The following PTPRK variants were observed in gnomAD, a reference collection of about 807,000 sequenced individuals.
PTPRK encodes receptor-type tyrosine-protein phosphatase kappa.
A neutral mutation model predicts 178.0 loss-of-function variants in PTPRK; 75 were observed. The ratio of observed to expected loss-of-function variants is 0.42; its 90% CI spans 0.35 to 0.51. The LOEUF (loss-of-function observed/expected upper bound fraction) is 0.51. PTPRK is among the 20% of genes least tolerant of loss of function. The probability of loss-of-function intolerance (pLI) is 0.02; values close to 1 mark genes in which losing one functional copy is unlikely to be tolerated. For synonymous variants in PTPRK, 637 were observed against 620.6 expected (o/e 1.03, Z -0.39); for missense variants, 1,441 against 1,797.8 (o/e 0.80, Z 3.59).
chr6:128,104,380 C>G lies in PTPRK; in HGVS notation c.1163-14388G>C, dbSNP rs967178971. Among the ~76,000 whole-genome samples the G allele has an allele frequency of 2.6e-5, 4 of 152,152 alleles. No individual in the cohort carries two copies. In the East Asian group the frequency reaches 7.7e-4, roughly 29 times the overall value. ...TTGCTGGGACTACAGGCACTGGCCA[C>G]TACGCCGGGCTTTTTGTATTTTTAG... On this transcript the variant is annotated intron_variant, in intron 7 of 29. Coordinates refer to ENST00000368226, the MANE Select transcript of PTPRK (RefSeq NM_002844.4).
At position 128,184,369 on chromosome 6, in the gene PTPRK, G is replaced by A. The variant is rs1392347912; in HGVS notation, c.1162+63C>T. The A allele has an allele frequency of 4.7e-6, 7 of 1,481,438 alleles. No individual in the cohort carries two copies. The African/African-American group carries it at 7.0e-5, about 15-fold the overall frequency. 91.8% of individuals were successfully genotyped at this position (1,481,438 alleles called of 1,614,324 possible). A position where few individuals can be genotyped will look rare whatever the true frequency, so the allele number is the denominator to read the frequency against. On this transcript the variant is annotated intron_variant, in intron 7 of 29. Transcript: ENST00000368226. Reference sequence around the variant, plus strand: ...ATAATGAGAACCTTCAACACTGCATGTATTAATGTGTCTTATGCTAGATTC... The same window carrying A: ...ATAATGAGAACCTTCAACACTGCATATATTAATGTGTCTTATGCTAGATTC...
Position 128,441,084 on chromosome 6 carries a change from T to C in PTPRK, c.101-43396A>G, listed in dbSNP as rs554335807. On this transcript the variant is annotated intron_variant, in intron 1 of 29. Coordinates refer to ENST00000368226, the MANE Select transcript of PTPRK (RefSeq NM_002844.4). ...AGAGCCACATCAAATTTCTGAATATTTGACAATCTTAGAGGTGAAAAAAAT... is the reference window on the plus strand; with the variant it reads ...AGAGCCACATCAAATTTCTGAATATCTGACAATCTTAGAGGTGAAAAAAAT... 2.5e-4 allele frequency among the ~76,000 whole-genome samples: 38 copies of C among 152,290 alleles called. 1 individual carries two copies. The South Asian group carries it at 5.2e-3, about 21-fold the overall frequency.
intron 21 of PTPRK, among the ~76,000 whole-genome samples, chr6:127,986,775 C>T (rs1776028515): frequency 6.6e-6 from 1 of 152,156 alleles, no homozygotes; most frequent in Admixed American, 6.5e-5. Flanking sequence ...AAGGTAGACA[C>T]ATTACATGAA....
At chr6:128,438,038 TC>T (rs1398657314) in intron 1 of PTPRK, among the ~76,000 whole-genome samples, 1 of 152,200 alleles carries the variant, frequency 6.6e-6, no homozygotes, top group Non-Finnish European at 1.5e-5. Flanking sequence ...GGGTTTCCCA[TC>T]CCGGGATACT....
chr6:128,067,820 C>A, intron 11 of PTPRK, 28 bp from the exon 12 acceptor site: 1 of 1,532,430 alleles, frequency 6.5e-7, no homozygotes, highest in Non-Finnish European at 8.8e-7. Flanking sequence ...AAAGAACACA[C>A]ATATATATAC....
intron 5 of PTPRK, among the ~76,000 whole-genome samples, chr6:128,232,336 C>T (rs1004046127): frequency 8.5e-5 from 13 of 152,238 alleles, no homozygotes; most frequent in Non-Finnish European, 1.6e-4. Context: ...AGTCCTTAGA[C>T]TCTATACAGA....
intron 2 of PTPRK, among the ~76,000 whole-genome samples, chr6:128,376,536 G>T (rs1215787043): frequency 6.6e-6 from 1 of 152,138 alleles, no homozygotes; most frequent in African/African-American, 2.4e-5. Flanking sequence ...CTGTTGTGAA[G>T]ACATCTAACA....
chr6:128,440,064 T>C (rs1315063803), intron 1 of PTPRK, among the ~76,000 whole-genome samples: 1 of 152,168 alleles, frequency 6.6e-6, no homozygotes, highest in Non-Finnish European at 1.5e-5. Flanking sequence ...TTTGTGAGAC[T>C]CAAAACCTGC....
At chr6:128,439,649 C>A (rs1301261992) in intron 1 of PTPRK, among the ~76,000 whole-genome samples, 1 of 152,080 alleles carries the variant, frequency 6.6e-6, no homozygotes, top group East Asian at 1.9e-4. Flanking sequence ...AATCTGTGAC[C>A]CTGAGGATAA....
chr6:128,480,076 C>T (rs1851868424), intron 1 of PTPRK, among the ~76,000 whole-genome samples: 1 of 152,058 alleles, frequency 6.6e-6, no homozygotes, highest in Non-Finnish European at 1.5e-5. Flanking sequence ...GAAAGTGCTG[C>T]CCCGACTCCC....
At position 128,184,509 on chromosome 6, in the gene PTPRK, C is replaced by G; in HGVS notation, c.1085G>C (p.Arg362Pro). ...TTCACCAGGTCTTGTAAGTAGAACT[C>G]GGATCTCATATTCGGTATCTGGATC... ...HLDPDTEYEI[R>P]VLLTRPGEGG... Residue 362 changes from arginine (R) to proline (P), a missense_variant, in exon 7 of 30, where the codon CGA becomes CCA. Coordinates refer to ENST00000368226, the MANE Select transcript of PTPRK (RefSeq NM_002844.4). 6.2e-7 allele frequency: 1 copy of G among 1,613,810 alleles called. No individual in the cohort carries two copies. Among genetic ancestry groups the G allele is most frequent in the Non-Finnish European group, 8.5e-7 (1 of 1,179,844 alleles).
chr6:128,355,963 A>G (rs1161337674), intron 2 of PTPRK, among the ~76,000 whole-genome samples: 3 of 152,236 alleles, frequency 2.0e-5, no homozygotes, highest in Non-Finnish European at 4.4e-5. Context: ...GAAATTGTTA[A>G]AAATCAGTGA....
At chr6:128,514,331 A>C (rs1328291186) in intron 1 of PTPRK, among the ~76,000 whole-genome samples, 1 of 151,416 alleles carries the variant, frequency 6.6e-6, no homozygotes, top group Non-Finnish European at 1.5e-5. Context: ...CTTCTTTCTA[A>C]CCTAAATGTT....
intron 3 of PTPRK, among the ~76,000 whole-genome samples, chr6:128,265,746 TTC>T (rs1287012791): frequency 1.3e-5 from 2 of 152,204 alleles, no homozygotes; most frequent in African/African-American, 2.4e-5. Context: ...AATTAATTAC[TTC>T]TTAGTGTATT....
intron 3 of PTPRK, among the ~76,000 whole-genome samples, chr6:128,264,323 A>T (rs891721734): frequency 1.3e-5 from 2 of 152,216 alleles, no homozygotes; most frequent in African/African-American, 4.8e-5. Context: ...GATATCAGAT[A>T]CACAGTAATA....
chr6:128,354,231 G>GTTTTTTTTTTGTTTTTTT (rs1833614807), intron 2 of PTPRK, among the ~76,000 whole-genome samples: 2 of 49,350 alleles, frequency 4.1e-5, no homozygotes, highest in Non-Finnish European at 6.5e-5. Flanking sequence ...TTTTGTTTAT[G>GTTTTTTTTTTGTTTTTTT]TTTTTTTTTT....
chr6:128,069,270 A>T (rs1373610033), intron 11 of PTPRK, among the ~76,000 whole-genome samples: 1 of 152,142 alleles, frequency 6.6e-6, no homozygotes, highest in Non-Finnish European at 1.5e-5. Flanking sequence ...AACTTGTATT[A>T]ATGTTAGAAA....
intron 11 of PTPRK, 42 bp from the exon 12 acceptor site, chr6:128,067,834 C>T: frequency 1.3e-6 from 2 of 1,486,222 alleles, no homozygotes; most frequent in Non-Finnish European, 1.8e-6. Context: ...TATATACACA[C>T]ATATTTAGAG....
intron 5 of PTPRK, among the ~76,000 whole-genome samples, chr6:128,224,001 C>T (rs17055461): frequency 0.019 from 2,934 of 152,192 alleles, 78 homozygotes; most frequent in African/African-American, 0.038. Flanking sequence ...TGGCTTCCAA[C>T]GATTCATTAG....
Sources: gnomAD v4.1 joint callset for allele counts (sites outside exome capture counted in the v4.1 genomes callset) on GRCh38, gnomAD v4.1.1 for gene constraint, MANE v1.5 for transcripts, NCBI Gene and HGNC (gene_info 2026-07-23, HGNC 2026-07-21) for gene names.